Variants in SPECC1 observed in about 807,000 individuals in gnomAD.
SPECC1 encodes cytospin-B.
A neutral mutation model predicts 104.1 loss-of-function variants in SPECC1; 62 were observed. That is an observed-to-expected ratio of 0.60 (90% CI 0.49 to 0.74). The LOEUF is 0.74. Among genes scored for constraint, SPECC1 ranks in the 30% least tolerant of loss-of-function variants. SPECC1 has a pLI of 0.00. For synonymous variants in SPECC1, 513 were observed against 501.6 expected, an observed-to-expected ratio of 1.02 and a Z score of -0.30; for missense variants, 1,306 against 1,310.5, an observed-to-expected ratio of 1.00 and a Z score of 0.05.
chr17:20,208,511 A>C (rs2071635775), intron 4 of SPECC1, among the ~76,000 whole-genome samples: 1 of 152,178 alleles, frequency 6.6e-6, no homozygotes, highest in Non-Finnish European at 1.5e-5. Flanking sequence ...GATAATACTT[A>C]AGAGACTCAT....
intron 1 of SPECC1, among the ~76,000 whole-genome samples, chr17:20,030,274 T>C (rs557301017): frequency 1.3e-5 from 2 of 152,302 alleles, no homozygotes; most frequent in African/African-American, 2.4e-5. Flanking sequence ...ATATACTTCA[T>C]ATTTATAATT....
At chr17:20,111,810 G>GA (rs1429998603) in intron 3 of SPECC1, 8 of 834,004 alleles carry the variant, frequency 9.6e-6, no homozygotes, top group Non-Finnish European at 1.7e-5. Context: ...AGGACCCAGG[G>GA]GGGGGGCAGC....
At chr17:20,114,075 A>G (rs2048630219) in intron 3 of SPECC1, among the ~76,000 whole-genome samples, 1 of 152,240 alleles carries the variant, frequency 6.6e-6, no homozygotes. Flanking sequence ...ATATTTGATT[A>G]CAGCCACCAA....
intron 1 of SPECC1, among the ~76,000 whole-genome samples, chr17:20,039,101 C>G (rs962304489): frequency 1.3e-5 from 2 of 152,208 alleles, no homozygotes; most frequent in Non-Finnish European, 2.9e-5. Context: ...GTCACCTTCT[C>G]CCTCCCCATG....
intron 1 of SPECC1, chr17:20,095,643 AT>A (rs2047610379): frequency 6.6e-6 from 1 of 152,282 alleles, no homozygotes; most frequent in Non-Finnish European, 1.5e-5. Flanking sequence ...ACTGGCCGCC[AT>A]CCCCCGGGGG....
chr17:20,079,947 C>T (rs535281876), intron 1 of SPECC1, among the ~76,000 whole-genome samples: 5 of 152,100 alleles, frequency 3.3e-5, no homozygotes, highest in African/African-American at 4.8e-5. Flanking sequence ...TCCCTTTCTC[C>T]GCACCCCTAC....
rs554832586 is a variant in SPECC1, at chr17:20,275,759, C to T, written c.2940+15465C>T. On this transcript the variant is annotated intron_variant, in intron 12 of 14. Coordinates refer to ENST00000395527, the MANE Select transcript of SPECC1 (RefSeq NM_001243439.2). ...TCTCAGGGCTCAAGGCCTGAGCAGCCGAAGGCCCATCAGTGGTCCCAGTTA... is the reference window on the plus strand; with the variant it reads ...TCTCAGGGCTCAAGGCCTGAGCAGCTGAAGGCCCATCAGTGGTCCCAGTTA... Among the ~76,000 whole-genome samples, 9 of 152,292 alleles carry T rather than the reference C, an allele frequency of 5.9e-5. No homozygotes were observed. The South Asian group carries it at 1.5e-3, about 25-fold the overall frequency.
At chr17:20,139,377 T>C (rs2030458899) in intron 3 of SPECC1, among the ~76,000 whole-genome samples, 1 of 152,194 alleles carries the variant, frequency 6.6e-6, no homozygotes, top group African/African-American at 2.4e-5. Context: ...TCAATACATA[T>C]TTAGTGTCTA....
At chr17:20,236,726 C>T in intron 7 of SPECC1, 5 of 810,010 alleles carry the variant, frequency 6.2e-6, no homozygotes, top group South Asian at 4.0e-5. Context: ...GACTTAAAAT[C>T]TGTTGGCCTA....
At chr17:20,159,813 A>C (rs1345282803) in intron 3 of SPECC1, among the ~76,000 whole-genome samples, 3 of 152,228 alleles carry the variant, frequency 2.0e-5, no homozygotes, top group Non-Finnish European at 4.4e-5. Context: ...ACAGTCCTTC[A>C]GTTTCCAACC....
chr17:20,111,897 C>G, intron 3 of SPECC1: 1 of 795,102 alleles, frequency 1.3e-6, no homozygotes, highest in Middle Eastern at 3.6e-4. Flanking sequence ...GGAACTTTAT[C>G]TGATTTGCTT....
At chr17:20,212,835 T>C (rs2037243355) in intron 4 of SPECC1, among the ~76,000 whole-genome samples, 1 of 152,260 alleles carries the variant, frequency 6.6e-6, no homozygotes, top group African/African-American at 2.4e-5. Flanking sequence ...GGGGCTGCTA[T>C]AATTATATTA....
chr17:20,229,977 T>C (rs1455524230), intron 5 of SPECC1, among the ~76,000 whole-genome samples: 1 of 152,196 alleles, frequency 6.6e-6, no homozygotes, highest in African/African-American at 2.4e-5. Flanking sequence ...GTGAGAAAGG[T>C]TAACCTTGCA....
chr17:20,237,048 T>C (rs1387931847), intron 7 of SPECC1: 156 of 1,476,504 alleles, frequency 1.1e-4, no homozygotes, highest in Non-Finnish European at 1.3e-4. Context: ...CCGTCGAGTC[T>C]CTGCTTTTTG....
chr17:20,231,954 T>C, intron 6 of SPECC1, 123 bp downstream of exon 6: 2 of 1,046,106 alleles, frequency 1.9e-6, no homozygotes, highest in South Asian at 1.5e-5. Flanking sequence ...GCCCTGGAAC[T>C]GTAAATTCTT....
intron 3 of SPECC1, among the ~76,000 whole-genome samples, chr17:20,134,372 T>C (rs1411526285): frequency 2.0e-5 from 3 of 149,764 alleles, no homozygotes; most frequent in African/African-American, 7.4e-5. Flanking sequence ...TTCCCCACCC[T>C]CCAGCCTCAC....
intron 2 of SPECC1, among the ~76,000 whole-genome samples, chr17:20,109,875 T>G (rs1448183783): frequency 1.3e-5 from 2 of 152,184 alleles, no homozygotes; most frequent in African/African-American, 4.8e-5. Flanking sequence ...AATTTTTGTT[T>G]AGAGACGAGG....
chr17:20,051,960 A>G (rs1352525195), intron 1 of SPECC1, among the ~76,000 whole-genome samples: 1 of 152,144 alleles, frequency 6.6e-6, no homozygotes, highest in Non-Finnish European at 1.5e-5. Flanking sequence ...TCTGACCCCC[A>G]TTTCCCCAAC....
intron 13 of SPECC1, among the ~76,000 whole-genome samples, chr17:20,304,142 AAGC>A (rs2041685280): frequency 1.4e-5 from 2 of 139,204 alleles, no homozygotes; most frequent in Admixed American, 7.0e-5. Flanking sequence ...AAAAAAAAAA[AAGC>A]CAGGTGTGGT....
Sources: allele counts gnomAD v4.1 joint callset (sites outside exome capture counted in the v4.1 genomes callset), GRCh38; gene constraint gnomAD v4.1.1; transcripts MANE v1.5; gene names NCBI Gene and HGNC (gene_info 2026-07-23, HGNC 2026-07-21).